The following FNDC3B variants were observed in gnomAD, a reference collection of about 807,000 sequenced individuals.
FNDC3B encodes the protein fibronectin type III domain containing 3B.
Under a neutral mutation model 151.5 loss-of-function variants are expected in FNDC3B, and 12 were observed. The observed-to-expected ratio is 0.08, with a 90% CI of 0.05 to 0.13. FNDC3B has a LOEUF of 0.13. Ranked by LOEUF, FNDC3B falls within the 10% of genes least tolerant of loss-of-function variation. FNDC3B has a pLI of 1.00. For synonymous variants in FNDC3B, 528 were observed against 549.0 expected, an observed-to-expected ratio of 0.96 and a Z score of 0.54; for missense variants, 1,214 against 1,505.3, an observed-to-expected ratio of 0.81 and a Z score of 3.20.
Position 172,181,395 on chromosome 3 carries a change from C to CAAAA in FNDC3B, c.188-45460_188-45457dup, listed in dbSNP as rs755223783. Reference sequence around the variant, plus strand: ...GGGTGCCAGAGTGAGACTCTGTCTCCAAAAAAAAAAAAAAAAAAACAAAAA... The same window carrying CAAAA: ...GGGTGCCAGAGTGAGACTCTGTCTCCAAAAAAAAAAAAAAAAAAAAAAACAAAAA... On this transcript the variant is annotated intron_variant, in intron 3 of 25. Coordinates refer to ENST00000415807, the MANE Select transcript of FNDC3B (RefSeq NM_022763.4). 5.1e-3 allele frequency among the ~76,000 whole-genome samples: 361 copies of CAAAA among 71,426 alleles called. 13 individuals carry two copies. Among genetic ancestry groups the CAAAA allele is most frequent in the African/African-American group, 0.017 (278 of 16,018 alleles). The allele number at this position is 71,426 out of a possible 152,430, so 46.9% of individuals were successfully genotyped here.
intron 3 of FNDC3B, among the ~76,000 whole-genome samples, chr3:172,207,245 T>C (rs945850484): frequency 2.0e-5 from 3 of 152,212 alleles, no homozygotes; most frequent in Non-Finnish European, 4.4e-5. Context: ...CTGGAGAAAT[T>C]GGAAAACTTC....
intron 3 of FNDC3B, among the ~76,000 whole-genome samples, chr3:172,163,622 C>CT (rs1213118770): frequency 1.3e-5 from 2 of 152,134 alleles, no homozygotes; most frequent in Non-Finnish European, 2.9e-5. Context: ...ACTTCTTTTG[C>CT]TTAACATTTC....
intron 23 of FNDC3B, among the ~76,000 whole-genome samples, chr3:172,364,934 G>C (rs1431066079): frequency 6.6e-6 from 1 of 152,194 alleles, no homozygotes; most frequent in African/African-American, 2.4e-5. Flanking sequence ...AGTTATTAAA[G>C]TGATGGGAAT....
At chr3:172,141,125 T>A (rs570649137) in intron 3 of FNDC3B, among the ~76,000 whole-genome samples, 2 of 139,260 alleles carry the variant, frequency 1.4e-5, no homozygotes, top group African/African-American at 5.8e-5. Flanking sequence ...TCTAGTTGTA[T>A]ACACAGCTTT....
At chr3:172,366,986 A>G (rs1734657104) in intron 23 of FNDC3B, among the ~76,000 whole-genome samples, 1 of 152,200 alleles carries the variant, frequency 6.6e-6, no homozygotes, top group Non-Finnish European at 1.5e-5. Flanking sequence ...GGCATGTTTC[A>G]TGTAAATAAA....
intron 3 of FNDC3B, among the ~76,000 whole-genome samples, chr3:172,165,651 T>TA (rs1385090118): frequency 1.8e-4 from 27 of 152,256 alleles, no homozygotes; most frequent in African/African-American, 6.3e-4. Context: ...TTTTCATTTT[T>TA]AACTACATGA....
intron 1 of FNDC3B, among the ~76,000 whole-genome samples, chr3:172,063,144 T>G (rs1380842154): frequency 1.3e-5 from 2 of 152,236 alleles, no homozygotes; most frequent in African/African-American, 2.4e-5. Context: ...TTGATTTTTT[T>G]GTATTTTCCC....
chr3:172,347,075 T>G (rs1733648679), intron 20 of FNDC3B, 137 bp from the exon 21 acceptor site: 1 of 736,664 alleles, frequency 1.4e-6, no homozygotes, highest in Non-Finnish European at 2.2e-6. Context: ...ATATTTGTGA[T>G]CGTGCCTTTC....
At chr3:172,181,856 T>G (rs998181900) in intron 3 of FNDC3B, among the ~76,000 whole-genome samples, 23 of 150,640 alleles carry the variant, frequency 1.5e-4, no homozygotes, top group African/African-American at 5.6e-4. Context: ...AAAAAAGATT[T>G]TCAGTGGGAG....
intron 3 of FNDC3B, among the ~76,000 whole-genome samples, chr3:172,220,354 C>T (rs537422580): frequency 1.1e-4 from 16 of 152,270 alleles, no homozygotes; most frequent in African/African-American, 3.6e-4. Flanking sequence ...TTCCTTTAGC[C>T]ATTTTTAAGT....
intron 3 of FNDC3B, among the ~76,000 whole-genome samples, chr3:172,152,152 C>T (rs773191282): frequency 3.3e-5 from 5 of 152,156 alleles, no homozygotes; most frequent in South Asian, 2.1e-4. Context: ...TATAACATTT[C>T]GGTTTGTTTT....
At chr3:172,296,347 C>T (rs760738972) in intron 8 of FNDC3B, among the ~76,000 whole-genome samples, 1 of 152,188 alleles carries the variant, frequency 6.6e-6, no homozygotes, top group Admixed American at 6.5e-5. Context: ...GCGTATCTCC[C>T]CTTTCCTGTT....
intron 16 of FNDC3B, among the ~76,000 whole-genome samples, chr3:172,340,835 C>T (rs1247760968): frequency 1.3e-5 from 2 of 152,240 alleles, no homozygotes; most frequent in East Asian, 1.9e-4. Flanking sequence ...TCCATGCCAG[C>T]GGCACGTTTC....
chr3:172,352,574 T>C lies in FNDC3B; in HGVS notation c.2515-229T>C. Among the ~76,000 whole-genome samples the C allele has an allele frequency of 6.6e-6, 1 of 152,204 alleles. No homozygotes were observed. The highest frequency in any genetic ancestry group is 1.9e-4 in the East Asian group (1 of 5,202). On this transcript the variant is annotated intron_variant, in intron 21 of 25. Transcript: ENST00000415807. This position sits in a 1 kb window ranked among gnomAD's most constrained non-coding sequence, Gnocchi z 4.2. Reference sequence around the variant, plus strand: ...AATATAAAATATTATTTTTAAATTATTTGTCATAAGAAACGATGGTGGCCA... The same window carrying C: ...AATATAAAATATTATTTTTAAATTACTTGTCATAAGAAACGATGGTGGCCA...
rs540449374 is a variant in FNDC3B at position 172,154,438 on chromosome 3, C to T, written c.187+20892C>T. 6.6e-5 allele frequency among the ~76,000 whole-genome samples: 10 copies of T among 152,196 alleles called. No individual in the cohort carries two copies. In the South Asian group the frequency reaches 1.7e-3, roughly 25 times the overall value. On this transcript the variant is annotated intron_variant, in intron 3 of 25. Transcript: ENST00000415807. ...ACCATGTTGGCCAGGATGGTCCTGACCTCGTGATCCGCCGTCCTCCGCCTC... is the reference window on the plus strand; with the variant it reads ...ACCATGTTGGCCAGGATGGTCCTGATCTCGTGATCCGCCGTCCTCCGCCTC...
intron 1 of FNDC3B, among the ~76,000 whole-genome samples, chr3:172,077,368 A>G (rs1718065518): frequency 6.6e-6 from 1 of 152,198 alleles, no homozygotes; most frequent in African/African-American, 2.4e-5. Context: ...CTAGATAATG[A>G]AAGGGCATGG....
chr3:172,181,949 C>T lies in FNDC3B; in HGVS notation c.188-44922C>T, dbSNP rs1318299776. On this transcript the variant is annotated intron_variant, in intron 3 of 25. Transcript: ENST00000415807. ...GACTGCTTGACAAATGAAGGATGTA[C>T]GTTATTGCTTTTTCCTTACTTTGGC... 4.0e-5 allele frequency among the ~76,000 whole-genome samples: 6 copies of T among 151,302 alleles called. No homozygotes were observed. The East Asian group carries it at 5.8e-4, about 15-fold the overall frequency.
chr3:172,370,144 TA>T (rs1734816535), intron 23 of FNDC3B, among the ~76,000 whole-genome samples: 1 of 151,850 alleles, frequency 6.6e-6, no homozygotes, highest in Non-Finnish European at 1.5e-5. Flanking sequence ...GTAGTTGGCC[TA>T]GGGATTATAA....
chr3:172,218,476 A>G (rs2108727265), intron 3 of FNDC3B, among the ~76,000 whole-genome samples: 1 of 152,360 alleles, frequency 6.6e-6, no homozygotes, highest in African/African-American at 2.4e-5. Context: ...TCACTTGCTC[A>G]TCTAAGAAAC....
Sources: allele counts gnomAD v4.1 joint callset (sites outside exome capture counted in the v4.1 genomes callset), GRCh38; gene constraint gnomAD v4.1.1; non-coding constraint Gnocchi (gnomAD v3.1); transcripts MANE v1.5; gene names NCBI Gene and HGNC (gene_info 2026-07-23, HGNC 2026-07-21).